The following SRGAP1 variants were observed in gnomAD, a reference collection of about 807,000 sequenced individuals.
The protein encoded by SRGAP1 is SLIT-ROBO Rho GTPase-activating protein 1.
SRGAP1 carries 43 observed loss-of-function variants against 121.9 expected under a neutral mutation model. The observed-to-expected ratio is 0.35, with a 90% CI of 0.28 to 0.46. The LOEUF is 0.46. SRGAP1 is among the 20% of genes least tolerant of loss of function. The pLI, the probability that SRGAP1 is intolerant of heterozygous loss-of-function variation, is 1.00. For missense variants in SRGAP1, 1,102 were observed against 1,350.9 expected, an observed-to-expected ratio of 0.82 and a Z score of 2.89; for synonymous variants, 447 against 485.4, an observed-to-expected ratio of 0.92 and a Z score of 1.04.
intron 1 of SRGAP1, among the ~76,000 whole-genome samples, chr12:63,906,565 G>A (rs575958459): frequency 1.8e-4 from 27 of 151,996 alleles, no homozygotes; most frequent in African/African-American, 5.5e-4. Context: ...TGCCCGCCTC[G>A]GCCTCCCAAA....
chr12:64,143,017 G>A lies in SRGAP1; in HGVS notation c.*345G>A. The stretch of plus-strand genomic sequence containing the variant: ...AGCCCAGCTGAGTCAGAAAGGTTGT[G>A]ACCTGAAGGCAGAAGAACCCGAATG... On this transcript the variant is annotated 3_prime_UTR_variant, in exon 22 of 22. Coordinates refer to ENST00000355086, the MANE Select transcript of SRGAP1 (RefSeq NM_020762.4). 4.2e-6 allele frequency: 1 copy of A among 240,100 alleles called. No homozygotes were observed. The highest frequency in any genetic ancestry group is 8.2e-6 in the Non-Finnish European group (1 of 121,714). 14.9% of individuals were successfully genotyped at this position (240,100 alleles called of 1,614,324 possible).
rs12303910 is a variant in SRGAP1 at position 64,151,571 on chromosome 12, G to A, written c.*8899G>A. On this transcript the variant is annotated 3_prime_UTR_variant, in exon 22 of 22. Transcript: ENST00000355086. ...TGTAAGGCTCATGACAAATATTGCC[G>A]ACCTGTTTTCCAGCAAAGTTGTACA... The A allele has an allele frequency of 0.056, 8,523 of 152,050 alleles. 389 individuals carry two copies. Among genetic ancestry groups the A allele is most frequent in the South Asian group, 0.14 (673 of 4,806 alleles). 9.4% of individuals were successfully genotyped at this position (152,050 alleles called of 1,614,324 possible).
At chr12:64,044,674 C>CTGTTTTTTTTTTTTTT (rs2035090029) in intron 6 of SRGAP1, among the ~76,000 whole-genome samples, 1 of 72,118 alleles carries the variant, frequency 1.4e-5, no homozygotes, top group Non-Finnish European at 2.9e-5. Context: ...TGATGTGCCT[C>CTGTTTTTTTTTTTTTT]TTTTTTTTTT....
chr12:63,855,463 G>A (rs1183653344), intron 1 of SRGAP1, among the ~76,000 whole-genome samples: 8 of 122,480 alleles, frequency 6.5e-5, no homozygotes, highest in African/African-American at 2.4e-4. Flanking sequence ...CAGTCAACAT[G>A]AAAAATGGTG....
At position 64,056,842 on chromosome 12, in the gene SRGAP1, G is replaced by A. The variant is rs116804589; in HGVS notation, c.802-6075G>A. 1.8e-3 allele frequency among the ~76,000 whole-genome samples: 280 copies of A among 152,254 alleles called. 1 individual carries two copies. Among genetic ancestry groups the A allele is most frequent in the African/African-American group, 6.6e-3 (274 of 41,556 alleles). ...CACTTTTCCAGAGCATTGCAGGACT[G>A]ACTGCTTCTTTTCATTTATGTTGCA... On this transcript the variant is annotated intron_variant, in intron 6 of 21. Coordinates refer to ENST00000355086, the MANE Select transcript of SRGAP1 (RefSeq NM_020762.4).
chr12:63,976,957 TAAGAG>T (rs2033111254), intron 1 of SRGAP1, among the ~76,000 whole-genome samples: 1 of 152,044 alleles, frequency 6.6e-6, no homozygotes, highest in Admixed American at 6.6e-5. Context: ...GTGCAGAGTA[TAAGAG>T]AAGCATAAAT....
chr12:64,004,730 T>G (rs1329479996), intron 3 of SRGAP1, among the ~76,000 whole-genome samples: 2 of 152,182 alleles, frequency 1.3e-5, no homozygotes, highest in Non-Finnish European at 2.9e-5. Context: ...TTTTCTCATC[T>G]GAGAAAGAAG....
chr12:63,899,324 G>T, intron 1 of SRGAP1, among the ~76,000 whole-genome samples: 1 of 151,686 alleles, frequency 6.6e-6, no homozygotes. Flanking sequence ...GTGACAGAGT[G>T]AGATCCTGTC....
intron 1 of SRGAP1, among the ~76,000 whole-genome samples, chr12:63,970,262 G>A (rs1176336524): frequency 6.6e-6 from 1 of 152,182 alleles, no homozygotes; most frequent in Admixed American, 6.5e-5. Flanking sequence ...ATCTGGTGCT[G>A]GGGATTTGGA....
intron 1 of SRGAP1, among the ~76,000 whole-genome samples, chr12:63,848,440 G>A (rs947649346): frequency 6.6e-6 from 1 of 152,086 alleles, no homozygotes; most frequent in Non-Finnish European, 1.5e-5. Flanking sequence ...GATCATAGAT[G>A]TATCTAGTTG....
chr12:64,109,402 C>T (rs370736571), intron 16 of SRGAP1, among the ~76,000 whole-genome samples: 3 of 152,122 alleles, frequency 2.0e-5, no homozygotes, highest in African/African-American at 7.2e-5. Flanking sequence ...AAAATTTCTG[C>T]GACTTTTTAA....
At chr12:63,980,232 T>C (rs2033210763) in intron 1 of SRGAP1, among the ~76,000 whole-genome samples, 1 of 152,170 alleles carries the variant, frequency 6.6e-6, no homozygotes, top group Non-Finnish European at 1.5e-5. Context: ...TCTAATTTTT[T>C]GTGTGGAGAT....
chr12:63,912,714 A>T lies in SRGAP1; in HGVS notation c.67+67831A>T, dbSNP rs186657147. 3.8e-3 allele frequency among the ~76,000 whole-genome samples: 573 copies of T among 152,262 alleles called. 3 individuals are homozygous for T. The highest frequency in any genetic ancestry group is 0.013 in the African/African-American group (540 of 41,550). On this transcript the variant is annotated intron_variant, in intron 1 of 21. Coordinates refer to ENST00000355086, the MANE Select transcript of SRGAP1 (RefSeq NM_020762.4). ...AGCAAGATGAAAACAAAATTTTTTTAAAAAAGAGAAATATAAACGCTGTTG... is the reference window on the plus strand; with the variant it reads ...AGCAAGATGAAAACAAAATTTTTTTTAAAAAGAGAAATATAAACGCTGTTG...
chr12:64,051,269 G>A (rs1041318367), intron 6 of SRGAP1, among the ~76,000 whole-genome samples: 3 of 152,072 alleles, frequency 2.0e-5, no homozygotes, highest in African/African-American at 7.2e-5. Context: ...ACCCACCAAC[G>A]GTGATGCTAA....
intron 6 of SRGAP1, among the ~76,000 whole-genome samples, chr12:64,048,039 T>C (rs1052253913): frequency 2.0e-5 from 3 of 152,182 alleles, no homozygotes; most frequent in Non-Finnish European, 4.4e-5. Context: ...TACTGTGTAG[T>C]AATTACTGTG....
intron 8 of SRGAP1, among the ~76,000 whole-genome samples, chr12:64,075,241 G>A (rs1398938033): frequency 6.6e-6 from 1 of 152,226 alleles, no homozygotes; most frequent in African/African-American, 2.4e-5. Flanking sequence ...GAAACGAAGG[G>A]ATGGGCCGAA....
chr12:64,034,904 T>G (rs1387469563), intron 4 of SRGAP1, among the ~76,000 whole-genome samples: 1 of 152,132 alleles, frequency 6.6e-6, no homozygotes, highest in Non-Finnish European at 1.5e-5. Context: ...TTTTGTAAAC[T>G]TTGCTTTCAC....
rs1015344213 is a variant in SRGAP1, at chr12:64,158,555, T to C, written c.*15883T>C. The C allele has an allele frequency of 2.0e-4, 30 of 152,178 alleles. No homozygotes were observed. The highest frequency in any genetic ancestry group is 6.8e-4 in the African/African-American group (28 of 41,434). 9.4% of individuals were successfully genotyped at this position (152,178 alleles called of 1,614,324 possible). ...TAAGTCTAGTAAATAATTAGGATTATGAGGTCAGGAGTTTGAGACCAGCCT... is the reference window on the plus strand; with the variant it reads ...TAAGTCTAGTAAATAATTAGGATTACGAGGTCAGGAGTTTGAGACCAGCCT... On this transcript the variant is annotated 3_prime_UTR_variant, in exon 22 of 22. Coordinates refer to ENST00000355086, the MANE Select transcript of SRGAP1 (RefSeq NM_020762.4).
rs894569163 is a variant in SRGAP1, at chr12:63,946,743, C to T, written c.68-37204C>T. Among the ~76,000 whole-genome samples, 10 of 152,162 alleles carry T rather than the reference C, an allele frequency of 6.6e-5. No homozygotes were observed. The South Asian group carries it at 1.0e-3, about 16-fold the overall frequency. ...TATTTTTAGTAGAGACGGGGTTTCT[C>T]CATGCTGGCTAGGCTAGTCTCGAAC... On this transcript the variant is annotated intron_variant, in intron 1 of 21. Coordinates refer to ENST00000355086, the MANE Select transcript of SRGAP1 (RefSeq NM_020762.4).
Sources: allele counts gnomAD v4.1 joint callset (sites outside exome capture counted in the v4.1 genomes callset), GRCh38; gene constraint gnomAD v4.1.1; transcripts MANE v1.5; gene names NCBI Gene and HGNC (gene_info 2026-07-23, HGNC 2026-07-21).